The following LRRTM4 variants were observed in gnomAD, a reference collection of about 807,000 sequenced individuals.
The protein encoded by LRRTM4 is leucine rich repeat transmembrane neuronal 4.
LRRTM4 carries 25 observed loss-of-function variants against 47.6 expected under a neutral mutation model. The ratio of observed to expected loss-of-function variants is 0.53; its 90% CI spans 0.38 to 0.73. The LOEUF (loss-of-function observed/expected upper bound fraction) is 0.73, where lower values mean the gene tolerates loss of function less well. Among genes scored for constraint, LRRTM4 ranks in the 30% least tolerant of loss-of-function variants. The pLI is 0.00. For missense variants in LRRTM4, 638 were observed against 713.4 expected (o/e 0.89, Z 1.20); for synonymous variants, 311 against 269.5 (o/e 1.15, Z -1.51).
At position 77,398,271 on chromosome 2, in the gene LRRTM4, T is replaced by C. The variant is rs1417379142; in HGVS notation, c.1551+120047A>G. Among the ~76,000 whole-genome samples, 4 of 151,888 alleles carry C rather than the reference T, an allele frequency of 2.6e-5. No homozygotes were observed. In the South Asian group the frequency reaches 8.3e-4, roughly 31 times the overall value. ...ATACGTCTTCATAACAGATAATACA[T>C]AAGAATGCTAAAACAGGTCTAGAAC... On this transcript the variant is annotated intron_variant, in intron 3 of 3. Transcript: ENST00000409884.
intron 3 of LRRTM4, among the ~76,000 whole-genome samples, chr2:77,200,586 A>G (rs1673946455): frequency 6.6e-6 from 1 of 152,130 alleles, no homozygotes; most frequent in Admixed American, 6.6e-5. Context: ...AATATTTTAT[A>G]GGGGTGAGTG....
chr2:77,373,364 C>T (rs1012495048), intron 3 of LRRTM4, among the ~76,000 whole-genome samples: 1 of 151,350 alleles, frequency 6.6e-6, no homozygotes, highest in Non-Finnish European at 1.5e-5. Flanking sequence ...AAAAACAATA[C>T]TGAAAAAAAC....
At chr2:76,927,297 C>T (rs946775150) in intron 3 of LRRTM4, among the ~76,000 whole-genome samples, 8 of 152,024 alleles carry the variant, frequency 5.3e-5, no homozygotes, top group African/African-American at 1.9e-4. Flanking sequence ...AAAACTTCTC[C>T]CAAAATGATC....
intron 3 of LRRTM4, among the ~76,000 whole-genome samples, chr2:76,999,452 A>AAC (rs1677333085): frequency 6.6e-6 from 1 of 150,998 alleles, no homozygotes; most frequent in South Asian, 2.1e-4. Flanking sequence ...AACAAAACAA[A>AAC]AAAAAAAAGC....
chr2:77,440,661 T>C (rs1315342793), intron 3 of LRRTM4, among the ~76,000 whole-genome samples: 14 of 152,222 alleles, frequency 9.2e-5, no homozygotes, highest in Admixed American at 7.2e-4. Flanking sequence ...TAACGGACAC[T>C]GAAATGATTC....
intron 3 of LRRTM4, among the ~76,000 whole-genome samples, chr2:77,051,808 T>C (rs561616453): frequency 5.3e-5 from 8 of 152,138 alleles, no homozygotes; most frequent in Non-Finnish European, 1.0e-4. Flanking sequence ...TTTTTTTCAC[T>C]CTATTTCACC....
chr2:77,068,943 G>C (rs187034973), intron 3 of LRRTM4, among the ~76,000 whole-genome samples: 1 of 152,184 alleles, frequency 6.6e-6, no homozygotes, highest in Non-Finnish European at 1.5e-5. Context: ...TAGCATGAGC[G>C]ATCTGTGCCT....
chr2:77,179,784 T>C (rs1204352125), intron 3 of LRRTM4, among the ~76,000 whole-genome samples: 2 of 152,152 alleles, frequency 1.3e-5, no homozygotes, highest in Non-Finnish European at 2.9e-5. Context: ...ATGCAGGTCT[T>C]AATATAGTCA....
At chr2:77,031,442 T>C (rs1346504315) in intron 3 of LRRTM4, among the ~76,000 whole-genome samples, 1 of 152,240 alleles carries the variant, frequency 6.6e-6, no homozygotes, top group Non-Finnish European at 1.5e-5. Flanking sequence ...ATCATGATTA[T>C]CCTAGGGCTG....
chr2:77,274,047 T>C (rs1205812667), intron 3 of LRRTM4, among the ~76,000 whole-genome samples: 1 of 152,082 alleles, frequency 6.6e-6, no homozygotes, highest in African/African-American at 2.4e-5. Context: ...CTGGAATCCT[T>C]TATGTTCACT....
chr2:77,477,903 AAAAGAAAGAAAGAAAGAAAGAAAGAAAG>A (rs70956633), intron 3 of LRRTM4, among the ~76,000 whole-genome samples: 1,100 of 109,860 alleles, frequency 0.01, 17 homozygotes, highest in African/African-American at 0.023. Context: ...AAAAGAAAGA[AAAAGAAAGAAAGAAAGAAAGAAAGAAAG>A]AAAGAAAGAA....
At position 77,164,301 on chromosome 2, in the gene LRRTM4, A is replaced by T. The variant is rs13382203; in HGVS notation, c.1551+354017T>A. Among the ~76,000 whole-genome samples the T allele has an allele frequency of 8.4e-3, 1,273 of 152,312 alleles. 12 individuals are homozygous for T. The highest frequency in any genetic ancestry group is 0.029 in the African/African-American group (1,216 of 41,558). ...ATGTACCCAATACAGGAGCACCCAG[A>T]TTCATAAAGCAAGTCCTTAGACACC... On this transcript the variant is annotated intron_variant, in intron 3 of 3. Transcript: ENST00000409884.
chr2:76,977,493 T>C (rs1676460103), intron 3 of LRRTM4, among the ~76,000 whole-genome samples: 1 of 151,908 alleles, frequency 6.6e-6, no homozygotes, highest in East Asian at 2.0e-4. Flanking sequence ...CTAAAATTTC[T>C]GAAGGCGAGT....
At chr2:76,991,673 C>G (rs576906163) in intron 3 of LRRTM4, among the ~76,000 whole-genome samples, 2 of 151,742 alleles carry the variant, frequency 1.3e-5, no homozygotes, top group African/African-American at 4.8e-5. Flanking sequence ...AGAACTTGAC[C>G]AGAAGGGCTC....
At chr2:76,798,967 C>T (rs1429979197) in intron 3 of LRRTM4, among the ~76,000 whole-genome samples, 48 of 150,940 alleles carry the variant, frequency 3.2e-4, no homozygotes, top group Admixed American at 6.6e-4. Flanking sequence ...CAATAGCTTA[C>T]CAACCAAAAA....
intron 3 of LRRTM4, among the ~76,000 whole-genome samples, chr2:77,345,112 T>C: frequency 6.6e-6 from 1 of 151,226 alleles, no homozygotes; most frequent in Non-Finnish European, 1.5e-5. Context: ...AGTAAAATTA[T>C]AAAAATATAC....
intron 3 of LRRTM4, among the ~76,000 whole-genome samples, chr2:77,378,974 T>C (rs1167100045): frequency 6.6e-6 from 1 of 152,152 alleles, no homozygotes; most frequent in African/African-American, 2.4e-5. Context: ...TCACTGAAAA[T>C]GTTTTTTGTT....
chr2:77,190,265 G>C (rs1281670878), intron 3 of LRRTM4, among the ~76,000 whole-genome samples: 1 of 149,432 alleles, frequency 6.7e-6, no homozygotes, highest in Non-Finnish European at 1.5e-5. Context: ...TTGCATCCCA[G>C]GTTGTTCTAA....
In LRRTM4 at chr2:77,289,587, G is replaced by GT. The variant is rs921443243; in HGVS notation, c.1551+228730dup. Reference sequence around the variant, plus strand: ...GCAGGATCAAGAAAATATGTTAGTGGTTTTTTTTTAGAAATGGTTATTTGG... The same window carrying GT: ...GCAGGATCAAGAAAATATGTTAGTGGTTTTTTTTTTAGAAATGGTTATTTGG... On this transcript the variant is annotated intron_variant, in intron 3 of 3. Coordinates refer to ENST00000409884, the MANE Select transcript of LRRTM4 (RefSeq NM_001134745.3). 1.2e-3 allele frequency among the ~76,000 whole-genome samples: 180 copies of GT among 151,016 alleles called. No individual in the cohort carries two copies. In the Middle Eastern group the frequency reaches 0.014, roughly 11 times the overall value.
Sources: allele counts gnomAD v4.1 joint callset (sites outside exome capture counted in the v4.1 genomes callset), GRCh38; gene constraint gnomAD v4.1.1; transcripts MANE v1.5; gene names NCBI Gene and HGNC (gene_info 2026-07-23, HGNC 2026-07-21).